THSD4: variants seen among roughly 807,000 people sequenced by gnomAD.
The protein encoded by THSD4 is thrombospondin type 1 domain containing 4, also known as thrombospondin type-1 domain-containing protein 4.
A neutral mutation model predicts 119.0 loss-of-function variants in THSD4; 69 were observed. The observed-to-expected ratio is 0.58, with a 90% CI of 0.48 to 0.71. The LOEUF (loss-of-function observed/expected upper bound fraction) is 0.71, where lower values mean the gene tolerates loss of function less well. Among genes scored for constraint, THSD4 ranks in the 30% least tolerant of loss-of-function variants. THSD4 has a pLI of 0.00. For missense variants in THSD4, 1,393 were observed against 1,391.1 expected (o/e 1.00, Z -0.02); for synonymous variants, 524 against 540.4 (o/e 0.97, Z 0.42).
chr15:71,716,594 T>TG (rs2052614667), intron 8 of THSD4, among the ~76,000 whole-genome samples: 1 of 99,844 alleles, frequency 1.0e-5, no homozygotes, highest in Non-Finnish European at 2.3e-5. Context: ...GTTTTTGTTT[T>TG]TTTTTTTGTA....
At chr15:71,548,754 AT>A (rs940140282) in intron 7 of THSD4, among the ~76,000 whole-genome samples, 3 of 152,032 alleles carry the variant, frequency 2.0e-5, no homozygotes, top group Non-Finnish European at 4.4e-5. Flanking sequence ...TTCCCTGTTG[AT>A]TTTTTTCGTG....
intron 6 of THSD4, among the ~76,000 whole-genome samples, chr15:71,276,829 CAAT>C (rs1203606934): frequency 6.6e-6 from 1 of 152,100 alleles, no homozygotes; most frequent in East Asian, 1.9e-4. Flanking sequence ...AAGTAAAAAA[CAAT>C]ATGTAGCGGA....
chr15:71,106,809 C>T (rs2141341682), intron 1 of THSD4, among the ~76,000 whole-genome samples: 1 of 151,800 alleles, frequency 6.6e-6, no homozygotes, highest in East Asian at 1.9e-4. Flanking sequence ...ACAACCCTAG[C>T]ACCAGTGGGA....
chr15:71,284,385 A>G (rs1014572488), intron 6 of THSD4, among the ~76,000 whole-genome samples: 2 of 152,332 alleles, frequency 1.3e-5, no homozygotes, highest in South Asian at 2.1e-4. Flanking sequence ...ATTCATACAC[A>G]TAAGTGTTGG....
chr15:71,416,038 C>A (rs2046755772), intron 7 of THSD4, among the ~76,000 whole-genome samples: 1 of 152,168 alleles, frequency 6.6e-6, no homozygotes, highest in Non-Finnish European at 1.5e-5. Flanking sequence ...CTCAGGTAAT[C>A]CAGCTGCCTT....
intron 7 of THSD4, among the ~76,000 whole-genome samples, chr15:71,540,435 C>T (rs1301150692): frequency 2.5e-5 from 1 of 40,408 alleles, no homozygotes; most frequent in Non-Finnish European, 5.5e-5. Flanking sequence ...TGCACCTGGC[C>T]GCCTTTTTTT....
intron 1 of THSD4, among the ~76,000 whole-genome samples, chr15:71,107,094 G>T (rs775658072): frequency 2.3e-4 from 35 of 152,190 alleles, no homozygotes; most frequent in African/African-American, 8.0e-4. Context: ...CAGTCAGGAA[G>T]TTAGCACAGC....
chr15:71,271,132 T>G (rs1289106114), intron 6 of THSD4, among the ~76,000 whole-genome samples: 2 of 148,102 alleles, frequency 1.4e-5, no homozygotes, highest in African/African-American at 4.9e-5. Flanking sequence ...TCAAGAGAAA[T>G]GAAAGTAATC....
At chr15:71,246,421 G>A (rs144698021) in intron 5 of THSD4, among the ~76,000 whole-genome samples, 3 of 152,236 alleles carry the variant, frequency 2.0e-5, no homozygotes, top group Non-Finnish European at 4.4e-5. Flanking sequence ...CGTTAGCTGC[G>A]ATTGAGGCTC....
chr15:71,674,799 T>C (rs1363931534), intron 8 of THSD4, among the ~76,000 whole-genome samples: 2 of 152,072 alleles, frequency 1.3e-5, no homozygotes, highest in African/African-American at 2.4e-5. Flanking sequence ...CATCTGTCGA[T>C]AGAGGCCAGG....
chr15:71,110,861 G>A (rs745495519), upstream of THSD4: 6 of 419,590 alleles, frequency 1.4e-5, no homozygotes, highest in South Asian at 1.1e-4. Context: ...AAGGATAGAC[G>A]GGAAAGTGAC....
intron 6 of THSD4, among the ~76,000 whole-genome samples, chr15:71,278,378 G>T (rs544406833): frequency 6.6e-6 from 1 of 152,172 alleles, no homozygotes; most frequent in African/African-American, 2.4e-5. Flanking sequence ...TAGAGACAGG[G>T]TTTTGCCATG....
At chr15:71,653,511 A>G (rs2140984408) in intron 7 of THSD4, among the ~76,000 whole-genome samples, 1 of 152,336 alleles carries the variant, frequency 6.6e-6, no homozygotes, top group East Asian at 1.9e-4. Context: ...TCTGGTGGGT[A>G]GAAGCCAAGG....
intron 7 of THSD4, among the ~76,000 whole-genome samples, chr15:71,530,803 C>CA (rs1276260847): frequency 3.0e-5 from 4 of 134,314 alleles, no homozygotes; most frequent in East Asian, 3.4e-4. Context: ...ACCAAGCCCC[C>CA]GAAAAAAAAA....
chr15:71,195,741 T>C (rs373325002), intron 3 of THSD4, among the ~76,000 whole-genome samples: 100 of 152,048 alleles, frequency 6.6e-4, no homozygotes, highest in African/African-American at 2.4e-3. Flanking sequence ...GTTGGGTGGA[T>C]GGGGTTGGGG....
At chr15:71,691,463 C>G (rs1234441074) in intron 8 of THSD4, among the ~76,000 whole-genome samples, 1 of 152,218 alleles carries the variant, frequency 6.6e-6, no homozygotes, top group Non-Finnish European at 1.5e-5. Context: ...TAAGGAGCAG[C>G]TTGTCTGGAC....
intron 3 of THSD4, among the ~76,000 whole-genome samples, chr15:71,214,167 A>G (rs916324115): frequency 2.8e-5 from 4 of 143,982 alleles, no homozygotes; most frequent in Non-Finnish European, 6.0e-5. Context: ...TGTAAAATGG[A>G]CCGATCAGCA....
At chr15:71,674,979 T>A (rs1004719033) in intron 8 of THSD4, among the ~76,000 whole-genome samples, 2 of 152,220 alleles carry the variant, frequency 1.3e-5, no homozygotes, top group Non-Finnish European at 2.9e-5. Flanking sequence ...ATTTTTAAAA[T>A]AACAATAAAT....
At chr15:71,758,347 A>G (rs1366207610) in intron 15 of THSD4, among the ~76,000 whole-genome samples, 1 of 152,238 alleles carries the variant, frequency 6.6e-6, no homozygotes, top group Non-Finnish European at 1.5e-5. Flanking sequence ...ATGGCCTAGC[A>G]TGCTTTCCTC....
Sources: allele counts gnomAD v4.1 joint callset (sites outside exome capture counted in the v4.1 genomes callset), GRCh38; gene constraint gnomAD v4.1.1; transcripts MANE v1.5; gene names NCBI Gene and HGNC (gene_info 2026-07-23, HGNC 2026-07-21).